The following XPR1 variants were observed in gnomAD, a reference collection of about 807,000 sequenced individuals.
The protein encoded by XPR1 is solute carrier family 53 member 1.
Under a neutral mutation model 87.5 loss-of-function variants are expected in XPR1, and 28 were observed. The observed-to-expected ratio is 0.32, with a 90% CI of 0.24 to 0.44. The LOEUF (loss-of-function observed/expected upper bound fraction) is 0.44, where lower values mean the gene tolerates loss of function less well. Among genes scored for constraint, XPR1 ranks in the 20% least tolerant of loss-of-function variants. XPR1 has a pLI of 1.00. For missense variants in XPR1, 559 were observed against 862.3 expected, an observed-to-expected ratio of 0.65 and a Z score of 4.41; for synonymous variants, 300 against 306.1, an observed-to-expected ratio of 0.98 and a Z score of 0.21.
At chr1:180,774,807 A>G (rs1648650823) in intron 2 of XPR1, among the ~76,000 whole-genome samples, 1 of 152,148 alleles carries the variant, frequency 6.6e-6, no homozygotes, top group South Asian at 2.1e-4. Context: ...GCTATAACAA[A>G]ATACTTTAGT....
At chr1:180,880,006 T>C in intron 13 of XPR1, 70 bp from the exon 14 acceptor site, 1 of 1,523,672 alleles carries the variant, frequency 6.6e-7, no homozygotes, top group Non-Finnish European at 9.1e-7. Flanking sequence ...CTTGATACAC[T>C]GGGAGGTTTA....
In XPR1 at chr1:180,841,603, A is replaced by G. The variant is rs140178069; in HGVS notation, c.1501+4887A>G. ...ACAGCCTTTTAAAGAGAAACCCTTA[A>G]TGATTGTCTTGGCCAGGGGACTTGC... On this transcript the variant is annotated intron_variant, in intron 11 of 14. Transcript: ENST00000367590. 1.4e-4 allele frequency among the ~76,000 whole-genome samples: 21 copies of G among 152,296 alleles called. No individual in the cohort carries two copies. In the East Asian group the frequency reaches 2.7e-3, roughly 20 times the overall value.
At chr1:180,872,771 C>T (rs1447921446) in intron 12 of XPR1, among the ~76,000 whole-genome samples, 8 of 151,228 alleles carry the variant, frequency 5.3e-5, no homozygotes, top group South Asian at 2.1e-4. Context: ...AGAAATCACC[C>T]GTCTTCTGCG....
chr1:180,770,724 T>A (rs908993062), intron 2 of XPR1, among the ~76,000 whole-genome samples: 4 of 152,180 alleles, frequency 2.6e-5, no homozygotes, highest in African/African-American at 9.6e-5. Flanking sequence ...CCAGATTATT[T>A]TACTCCCCTG....
rs899275400 is a variant in XPR1 at position 180,853,282 on chromosome 1, G to A, written c.1502-10426G>A. 2.0e-5 allele frequency among the ~76,000 whole-genome samples: 3 copies of A among 152,190 alleles called. No homozygotes were observed. The East Asian group carries it at 5.8e-4, about 29-fold the overall frequency. On this transcript the variant is annotated intron_variant, in intron 11 of 14. Transcript: ENST00000367590. ...CTATTTTCTTTCTTGTTCAGGTTAG[G>A]AAATTTCTATTCTATCTTTCAGTTG...
At chr1:180,696,200 GTGTGTGTGTATATATATA>G (rs1192200584) in intron 2 of XPR1, among the ~76,000 whole-genome samples, 3 of 110,058 alleles carry the variant, frequency 2.7e-5, no homozygotes, top group African/African-American at 4.0e-5. Flanking sequence ...GTGTGTGTGT[GTGTGTGTGTATATATATA>G]TATATATATA....
intron 12 of XPR1, among the ~76,000 whole-genome samples, chr1:180,872,526 G>C (rs1266337233): frequency 5.1e-5 from 3 of 59,152 alleles, no homozygotes; most frequent in Admixed American, 2.0e-4. Context: ...GTGGTGCGCC[G>C]TTTCTTAAGC....
At chr1:180,764,821 T>G (rs1354206288) in intron 2 of XPR1, among the ~76,000 whole-genome samples, 1 of 146,132 alleles carries the variant, frequency 6.8e-6, no homozygotes, top group Non-Finnish European at 1.5e-5. Flanking sequence ...GGTCTTGCTC[T>G]GTCGCCTAGG....
intron 2 of XPR1, among the ~76,000 whole-genome samples, chr1:180,743,167 A>T (rs192326292): frequency 2.8e-5 from 4 of 145,010 alleles, no homozygotes; most frequent in African/African-American, 7.7e-5. Flanking sequence ...CCATTTTGTT[A>T]TTATTATTAT....
chr1:180,865,515 C>T (rs1652360169), intron 12 of XPR1, among the ~76,000 whole-genome samples: 1 of 151,972 alleles, frequency 6.6e-6, no homozygotes. Context: ...ATTCTCCTAC[C>T]TCAGCCTCCC....
chr1:180,692,741 A>G (rs1166395374), intron 2 of XPR1, among the ~76,000 whole-genome samples: 1 of 152,178 alleles, frequency 6.6e-6, no homozygotes, highest in Non-Finnish European at 1.5e-5. Flanking sequence ...TCTTTTTCAC[A>G]GAAAGAGAAT....
chr1:180,695,889 G>A (rs1365114069), intron 2 of XPR1, among the ~76,000 whole-genome samples: 1 of 151,880 alleles, frequency 6.6e-6, no homozygotes, highest in Admixed American at 6.6e-5. Flanking sequence ...TGTTCTTTTT[G>A]CTTGGGATTG....
intron 1 of XPR1, among the ~76,000 whole-genome samples, chr1:180,655,402 T>TCTC (rs1557940583): frequency 7.0e-6 from 1 of 143,030 alleles, no homozygotes; most frequent in African/African-American, 2.6e-5. Flanking sequence ...CTCTCTCTCT[T>TCTC]TTTTTTTTTT....
At chr1:180,720,110 C>T (rs969778678) in intron 2 of XPR1, among the ~76,000 whole-genome samples, 1 of 151,490 alleles carries the variant, frequency 6.6e-6, no homozygotes, top group African/African-American at 2.4e-5. Context: ...AAGCAGGGAG[C>T]AGGGCCGGGG....
intron 11 of XPR1, among the ~76,000 whole-genome samples, chr1:180,859,312 T>C (rs1445969459): frequency 3.3e-5 from 5 of 152,192 alleles, no homozygotes; most frequent in African/African-American, 1.2e-4. Context: ...TTTTTATTTG[T>C]TTTAAATTCA....
chr1:180,820,101 T>C (rs1441209138), intron 7 of XPR1, among the ~76,000 whole-genome samples: 1 of 152,214 alleles, frequency 6.6e-6, no homozygotes, highest in African/African-American at 2.4e-5. Context: ...TTAAGATATA[T>C]TTATTACTTT....
chr1:180,865,086 T>G (rs927864035), intron 12 of XPR1, among the ~76,000 whole-genome samples: 10 of 152,108 alleles, frequency 6.6e-5, no homozygotes, highest in Non-Finnish European at 1.5e-4. Flanking sequence ...GGGAAGGCCA[T>G]TTTCAGGTGT....
At chr1:180,727,235 T>G (rs1456579974) in intron 2 of XPR1, among the ~76,000 whole-genome samples, 1 of 152,162 alleles carries the variant, frequency 6.6e-6, no homozygotes, top group Non-Finnish European at 1.5e-5. Context: ...ATAGGATGCC[T>G]GAAGCGGTTA....
intron 2 of XPR1, among the ~76,000 whole-genome samples, chr1:180,745,918 G>T (rs1286922758): frequency 2.6e-5 from 4 of 152,278 alleles, no homozygotes; most frequent in East Asian, 3.9e-4. Flanking sequence ...CCAAAACTTT[G>T]CTTGCTTTTT....
Sources: gnomAD v4.1 joint callset for allele counts (sites outside exome capture counted in the v4.1 genomes callset) on GRCh38, gnomAD v4.1.1 for gene constraint, MANE v1.5 for transcripts, NCBI Gene and HGNC (gene_info 2026-07-23, HGNC 2026-07-21) for gene names.